The following SCARA5 variants were observed in gnomAD, a reference collection of about 807,000 sequenced individuals.
The protein encoded by SCARA5 is scavenger receptor class A, member 5 (putative).
SCARA5 carries 45 observed loss-of-function variants against 46.3 expected under a neutral mutation model. The ratio of observed to expected loss-of-function variants is 0.97; its 90% CI spans 0.76 to 1.24. The LOEUF (loss-of-function observed/expected upper bound fraction) is 1.24, where lower values mean the gene tolerates loss of function less well. SCARA5 is among the 50% of genes most tolerant of loss of function. SCARA5 has a pLI of 0.00. For missense variants in SCARA5, 680 were observed against 689.0 expected, an observed-to-expected ratio of 0.99 and a Z score of 0.15; for synonymous variants, 333 against 306.5, an observed-to-expected ratio of 1.09 and a Z score of -0.90.
intron 3 of SCARA5, among the ~76,000 whole-genome samples, chr8:27,938,905 G>A (rs946667073): frequency 3.9e-5 from 6 of 152,000 alleles, no homozygotes; most frequent in Non-Finnish European, 7.4e-5. Flanking sequence ...ACGAATAAGT[G>A]GTCTAAACTT....
At chr8:27,952,935 A>C (rs1351233318) in intron 3 of SCARA5, among the ~76,000 whole-genome samples, 3 of 152,072 alleles carry the variant, frequency 2.0e-5, no homozygotes, top group Admixed American at 1.3e-4. Context: ...AGAGGCAGGA[A>C]CTCTTTTTTA....
chr8:27,872,523 T>C (rs2129648824), intron 8 of SCARA5, among the ~76,000 whole-genome samples: 1 of 152,326 alleles, frequency 6.6e-6, no homozygotes, highest in East Asian at 1.9e-4. Context: ...TCAGCCCCTG[T>C]TGTCACGGGA....
chr8:27,888,181 C>T (rs990812589), intron 7 of SCARA5, among the ~76,000 whole-genome samples: 1 of 152,196 alleles, frequency 6.6e-6, no homozygotes, highest in African/African-American at 2.4e-5. Context: ...GCCTCAGCCT[C>T]CCAAGTAGCT....
intron 3 of SCARA5, among the ~76,000 whole-genome samples, chr8:27,926,577 C>A (rs1313489246): frequency 6.6e-6 from 1 of 152,162 alleles, no homozygotes; most frequent in Non-Finnish European, 1.5e-5. Context: ...TACCCTAGAA[C>A]TTCAAGTATA....
Position 27,879,718 on chromosome 8 carries a change from G to T in SCARA5, c.1202C>A (p.Pro401Gln). ...MMIRLVNGSGPHEGRVEVYHD... is the reference protein window; with the variant it reads ...MMIRLVNGSGQHEGRVEVYHD... The stretch of plus-strand genomic sequence containing the variant: ...GTACACTTCCACGCGGCCCTCGTGC[G>T]GACCTGAGCCATTCACCAGGCGGAT... Residue 401 changes from proline to glutamine, a missense_variant, in exon 8 of 9, where the codon CCG becomes CAG. Physicochemically the swap from Pro to Gln is moderately conservative, Grantham distance 76. This residue lies in a region of SCARA5 where 219 missense variants were observed against 269.5 expected (regional missense o/e 0.81). Coordinates refer to ENST00000354914, the MANE Select transcript of SCARA5 (RefSeq NM_173833.6). The T allele has an allele frequency of 6.2e-7, 1 of 1,613,034 alleles. No homozygotes were observed. Among genetic ancestry groups the T allele is most frequent in the South Asian group, 1.1e-5 (1 of 91,074 alleles).
At chr8:27,962,846 C>G (rs1241718547) in intron 3 of SCARA5, among the ~76,000 whole-genome samples, 7 of 152,192 alleles carry the variant, frequency 4.6e-5, no homozygotes. Flanking sequence ...ACGTTTTATT[C>G]CTAGGGCTTG....
At chr8:27,883,521 A>G (rs1164645773) in intron 7 of SCARA5, among the ~76,000 whole-genome samples, 2 of 152,216 alleles carry the variant, frequency 1.3e-5, no homozygotes, top group Non-Finnish European at 2.9e-5. Flanking sequence ...TCCACGGCCA[A>G]TCCAGACCTA....
chr8:27,914,747 G>T (rs546659922), intron 4 of SCARA5, among the ~76,000 whole-genome samples: 1 of 152,262 alleles, frequency 6.6e-6, no homozygotes, highest in Admixed American at 6.5e-5. Flanking sequence ...GGGTCCTGGG[G>T]TCCCTGCTCA....
At chr8:27,953,698 GAC>G in intron 3 of SCARA5, among the ~76,000 whole-genome samples, 1 of 152,366 alleles carries the variant, frequency 6.6e-6, no homozygotes, top group Middle Eastern at 3.4e-3. Flanking sequence ...CCCAAAGGCA[GAC>G]ACAAGCTCCA....
At chr8:27,935,384 A>T (rs1807838444) in intron 3 of SCARA5, among the ~76,000 whole-genome samples, 1 of 152,172 alleles carries the variant, frequency 6.6e-6, no homozygotes, top group African/African-American at 2.4e-5. Context: ...GGGGTTAGCA[A>T]GACAAGAGAA....
intron 7 of SCARA5, among the ~76,000 whole-genome samples, chr8:27,896,542 C>T (rs554637093): frequency 1.2e-4 from 18 of 152,244 alleles, no homozygotes; most frequent in Non-Finnish European, 2.1e-4. Flanking sequence ...CGACATACCC[C>T]AGAGTTATTC....
chr8:27,986,419 G>A (rs114369574), intron 2 of SCARA5, among the ~76,000 whole-genome samples: 1 of 152,160 alleles, frequency 6.6e-6, no homozygotes, highest in Non-Finnish European at 1.5e-5. Flanking sequence ...TAAGCCCTTT[G>A]AGGACAGAGA....
At chr8:27,894,920 T>G (rs542396012) in intron 7 of SCARA5, among the ~76,000 whole-genome samples, 1 of 152,312 alleles carries the variant, frequency 6.6e-6, no homozygotes, top group East Asian at 1.9e-4. Flanking sequence ...TGAATGGGAC[T>G]CACAGCATTT....
At chr8:27,952,388 C>T (rs1808142086) in intron 3 of SCARA5, among the ~76,000 whole-genome samples, 1 of 151,736 alleles carries the variant, frequency 6.6e-6, no homozygotes, top group South Asian at 2.1e-4. Flanking sequence ...GTTTTCTGAC[C>T]ATCTGGCAGT....
intron 3 of SCARA5, among the ~76,000 whole-genome samples, chr8:27,953,336 C>T (rs999100088): frequency 2.0e-5 from 3 of 152,234 alleles, no homozygotes; most frequent in African/African-American, 7.2e-5. Context: ...GGGGCCCCAG[C>T]TAAGGAGCAG....
chr8:27,894,755 C>T (rs769378213), intron 7 of SCARA5, among the ~76,000 whole-genome samples: 5 of 152,186 alleles, frequency 3.3e-5, no homozygotes, highest in African/African-American at 9.7e-5. Context: ...TTCCCTCTTC[C>T]GTGTCTCTCT....
At chr8:27,892,607 T>TTG (rs1491173522) in intron 7 of SCARA5, among the ~76,000 whole-genome samples, 2 of 68,842 alleles carry the variant, frequency 2.9e-5, no homozygotes, top group African/African-American at 1.5e-4. Flanking sequence ...TACCTCACCC[T>TTG]TTTTTTTTTT....
chr8:27,896,206 A>G (rs2129720590), intron 7 of SCARA5, among the ~76,000 whole-genome samples: 1 of 152,312 alleles, frequency 6.6e-6, no homozygotes, highest in South Asian at 2.1e-4. Context: ...TCAGGCCTGC[A>G]GCCCTCCTTG....
At chr8:27,888,651 A>G (rs978600319) in intron 7 of SCARA5, among the ~76,000 whole-genome samples, 5 of 152,202 alleles carry the variant, frequency 3.3e-5, no homozygotes, top group African/African-American at 1.2e-4. Flanking sequence ...CTCCCACTGC[A>G]CAACTTCAGT....
Sources: allele counts gnomAD v4.1 joint callset (sites outside exome capture counted in the v4.1 genomes callset), GRCh38; gene constraint gnomAD v4.1.1; regional missense constraint gnomAD v4.1.1; transcripts MANE v1.5; gene names NCBI Gene and HGNC (gene_info 2026-07-23, HGNC 2026-07-21).